Variants in FOXN3 observed in about 807,000 individuals in gnomAD.
FOXN3 encodes forkhead box N3, also known as forkhead box protein N3.
In FOXN3, 7 loss-of-function variants were observed where a neutral mutation model predicts 38.4. The ratio of observed to expected loss-of-function variants is 0.18; its 90% confidence interval spans 0.10 to 0.34. The LOEUF (loss-of-function observed/expected upper bound fraction) is 0.34. Ranked by LOEUF, FOXN3 falls within the 10% of genes least tolerant of loss-of-function variation. The pLI is 1.00. For synonymous variants in FOXN3, 230 were observed against 242.2 expected (o/e 0.95, Z 0.47); for missense variants, 456 against 613.4 (o/e 0.74, Z 2.71).
intron 1 of FOXN3, among the ~76,000 whole-genome samples, chr14:89,415,622 A>AAC (rs1891676787): frequency 6.7e-6 from 1 of 149,272 alleles, no homozygotes; most frequent in Non-Finnish European, 1.5e-5. Flanking sequence ...AAAAAAAAAA[A>AAC]AAAAAAAAAC....
At chr14:89,167,354 A>AT (rs1487661282) in intron 5 of FOXN3, among the ~76,000 whole-genome samples, 2 of 152,224 alleles carry the variant, frequency 1.3e-5, no homozygotes, top group African/African-American at 2.4e-5. Context: ...TATAATGAGC[A>AT]TGTGTCATCT....
chr14:89,417,036 C>T lies in FOXN3; in HGVS notation c.-180G>A, dbSNP rs1455338401. ...GGGCGGCGGGGGGCGGCCGCGGGCG[C>T]GGGCGGCAGGGGCGCGGGGGTCGCG... On this transcript the variant is annotated 5_prime_UTR_variant, in exon 1 of 6. Coordinates refer to ENST00000557258, the MANE Select transcript of FOXN3 (RefSeq NM_005197.4). The T allele has an allele frequency of 6.9e-6, 1 of 144,352 alleles. No individual in the cohort carries two copies. The highest frequency in any genetic ancestry group is 1.5e-5 in the Non-Finnish European group (1 of 65,142). 8.9% of individuals were successfully genotyped at this position (144,352 alleles called of 1,614,324 possible). A position where few individuals can be genotyped will look rare whatever the true frequency, so the allele number is the denominator to read the frequency against.
rs1195000545 is a variant in FOXN3 at position 89,157,495 on chromosome 14, A to G, written c.*4919T>C. ...AAGAGGGGTTAACAGATGAATTCAC[A>G]AAGGTAGGCAGATCTATACAGAACA... On this transcript the variant is annotated 3_prime_UTR_variant, in exon 6 of 6. Transcript: ENST00000557258. 3 of 152,652 alleles carry G rather than the reference A, an allele frequency of 2.0e-5. No homozygotes were observed. The highest frequency in any genetic ancestry group is 4.4e-5 in the Non-Finnish European group (3 of 68,046). The allele number at this position is 152,652 out of a possible 1,614,324, so 9.5% of individuals were successfully genotyped here.
chr14:89,505,104 G>A (rs943394806), intron 1 of FOXN3, among the ~76,000 whole-genome samples: 1 of 152,186 alleles, frequency 6.6e-6, no homozygotes, highest in African/African-American at 2.4e-5. Flanking sequence ...GCTGAGTTAT[G>A]ATGGTCAAAT....
intron 4 of FOXN3, among the ~76,000 whole-genome samples, chr14:89,209,315 T>C (rs559185751): frequency 1.3e-5 from 2 of 152,324 alleles, no homozygotes; most frequent in South Asian, 2.1e-4. Context: ...CTTTCCCCAA[T>C]AGGTATTCAA....
rs775441721 is a variant in FOXN3, at chr14:89,162,553, G to T, written c.1268C>A (p.Pro423His). The T allele has an allele frequency of 6.2e-7, 1 of 1,613,956 alleles. No homozygotes were observed. The highest frequency in any genetic ancestry group is 8.5e-7 in the Non-Finnish European group (1 of 1,179,990). The change falls in exon 6 of 6, where the codon CCC (proline) becomes CAC (histidine). Residue 423 changes from proline to histidine, a missense_variant. By Grantham distance (77) the Pro-to-His change is moderately conservative (BLOSUM62 -2). This residue lies in a region of FOXN3 where 386 missense variants were observed against 505.2 expected (regional missense o/e 0.76). Coordinates refer to ENST00000557258, the MANE Select transcript of FOXN3 (RefSeq NM_005197.4). This position sits in a 1 kb window ranked among gnomAD's most constrained non-coding sequence, Gnocchi z 7.2. ...CATCTCCTCATCATCGCTCTCGGGG[G>T]GCTTTTCGGTGCGTCTCTTTTTGAG... is the stretch of plus-strand genomic sequence containing the variant. ...LPLKKRRTEK[P>H]PESDDEEMKE...
chr14:89,317,167 T>C lies in FOXN3; in HGVS notation c.680+33505A>G, dbSNP rs548447134. ...AAAATAAGTAAAACAGTAAAAGCAA[T>C]TGACAATACTTTATAAAGCCTGGCC... On this transcript the variant is annotated intron_variant, in intron 3 of 5. Transcript: ENST00000557258. Among the ~76,000 whole-genome samples the C allele has an allele frequency of 7.9e-5, 12 of 152,274 alleles. No homozygotes were observed. The East Asian group carries it at 1.9e-3, about 24-fold the overall frequency.
intron 1 of FOXN3, among the ~76,000 whole-genome samples, chr14:89,514,268 C>T (rs1894158725): frequency 1.3e-5 from 2 of 152,156 alleles, no homozygotes; most frequent in Admixed American, 1.3e-4. Flanking sequence ...CTTCTTGCCC[C>T]AGTCATGCTT....
intron 1 of FOXN3, among the ~76,000 whole-genome samples, chr14:89,547,424 GT>G (rs969390631): frequency 5.3e-5 from 8 of 151,604 alleles, no homozygotes; most frequent in African/African-American, 9.7e-5. Flanking sequence ...GTGGCTAATT[GT>G]TTTTTTGTTT....
chr14:89,573,085 G>A (rs1425182671), intron 1 of FOXN3, among the ~76,000 whole-genome samples: 2 of 152,202 alleles, frequency 1.3e-5, no homozygotes, highest in Non-Finnish European at 2.9e-5. Flanking sequence ...AAGGGAGAAG[G>A]AGGTGCGTCA....
At chr14:89,427,940 C>T (rs1892075511) in intron 1 of FOXN3, among the ~76,000 whole-genome samples, 1 of 152,124 alleles carries the variant, frequency 6.6e-6, no homozygotes, top group Non-Finnish European at 1.5e-5. Context: ...ACATTTTCCT[C>T]CTCCAAAGTT....
intron 1 of FOXN3, among the ~76,000 whole-genome samples, chr14:89,540,221 C>A (rs190639252): frequency 1.3e-5 from 2 of 152,144 alleles, no homozygotes; most frequent in African/African-American, 2.4e-5. Context: ...ATAGAGATAA[C>A]AACAAAGGCC....
At chr14:89,360,354 G>GAGGGAGGGAGGGAGAAAGAGAA (rs1555421023) in intron 2 of FOXN3, among the ~76,000 whole-genome samples, 4 of 23,218 alleles carry the variant, frequency 1.7e-4, no homozygotes, top group Non-Finnish European at 3.6e-4. Flanking sequence ...AAGAGAAAGG[G>GAGGGAGGGAGGGAGAAAGAGAA]AGGGAGGGAG....
At chr14:89,400,413 T>C (rs896449053) in intron 2 of FOXN3, among the ~76,000 whole-genome samples, 4 of 152,208 alleles carry the variant, frequency 2.6e-5, no homozygotes, top group Non-Finnish European at 4.4e-5. Context: ...GAAACTCATA[T>C]AGGAAACTTC....
At chr14:89,177,363 CTA>C (rs1887549670) in intron 5 of FOXN3, among the ~76,000 whole-genome samples, 1 of 152,226 alleles carries the variant, frequency 6.6e-6, no homozygotes, top group African/African-American at 2.4e-5. Flanking sequence ...CTTCTGCAAA[CTA>C]TGGTTTCACA....
At chr14:89,483,395 T>C (rs1032579487) in intron 1 of FOXN3, among the ~76,000 whole-genome samples, 5 of 152,126 alleles carry the variant, frequency 3.3e-5, no homozygotes, top group South Asian at 2.1e-4. Context: ...TTTGTTGTAC[T>C]AAGCCCCTGA....
chr14:89,614,017 A>G (rs955239435), intron 1 of FOXN3, among the ~76,000 whole-genome samples: 6 of 152,224 alleles, frequency 3.9e-5, no homozygotes, highest in Admixed American at 2.0e-4. Context: ...TAAGGGGGAA[A>G]ACTGAGCCCG....
Position 89,277,678 on chromosome 14 carries a change from T to C in FOXN3, c.745+3272A>G, listed in dbSNP as rs1019116082. On this transcript the variant is annotated intron_variant, in intron 4 of 5. Transcript: ENST00000557258. Reference sequence around the variant, plus strand: ...ACAATTGGTTTTGTGCTGGGAAAAATAAAGGTACTAAGTTTCCACTCTAAA... The same window carrying C: ...ACAATTGGTTTTGTGCTGGGAAAAACAAAGGTACTAAGTTTCCACTCTAAA... Among the ~76,000 whole-genome samples the C allele has an allele frequency of 2.0e-5, 3 of 152,096 alleles. No individual in the cohort carries two copies. In the South Asian group the frequency reaches 6.2e-4, roughly 32 times the overall value.
At chr14:89,508,472 CAGAG>C (rs1210750155) in intron 1 of FOXN3, among the ~76,000 whole-genome samples, 1 of 152,178 alleles carries the variant, frequency 6.6e-6, no homozygotes, top group African/African-American at 2.4e-5. Context: ...TACACCACCC[CAGAG>C]AGAGATTGGT....
Sources: gnomAD v4.1 joint callset for allele counts (sites outside exome capture counted in the v4.1 genomes callset) on GRCh38, gnomAD v4.1.1 for gene constraint, gnomAD v4.1.1 regional missense constraint, Gnocchi (gnomAD v3.1) non-coding constraint, MANE v1.5 for transcripts, NCBI Gene and HGNC (gene_info 2026-07-23, HGNC 2026-07-21) for gene names.